COL5A2: variants seen among roughly 807,000 people sequenced by gnomAD.
COL5A2 encodes the protein collagen alpha-2(V) chain.
A neutral mutation model predicts 208.2 loss-of-function variants in COL5A2; 23 were observed. The observed-to-expected ratio is 0.11, with a 90% confidence interval of 0.08 to 0.16. The LOEUF (loss-of-function observed/expected upper bound fraction) is 0.16, where lower values mean the gene tolerates loss of function less well. COL5A2 is among the 10% of genes least tolerant of loss of function. The pLI is 1.00. For synonymous variants in COL5A2, 625 were observed against 628.5 expected (o/e 0.99, Z 0.08); for missense variants, 1,590 against 1,956.4 (o/e 0.81, Z 3.53).
At chr2:189,391,464 T>C in the COL5A2 span, among the ~76,000 whole-genome samples, 2 of 152,132 alleles carry the variant, frequency 1.3e-5, no homozygotes, top group South Asian at 4.1e-4. Context: ...ATCACAAAAG[T>C]GCAGAACTAG....
the COL5A2 span, among the ~76,000 whole-genome samples, chr2:189,348,417 A>T: frequency 6.6e-6 from 1 of 152,178 alleles, no homozygotes. Context: ...AAAGAGACAG[A>T]TGTTTCAGCT....
At chr2:189,138,936 A>G (rs1350640183) in intron 1 of COL5A2, among the ~76,000 whole-genome samples, 1 of 152,234 alleles carries the variant, frequency 6.6e-6, no homozygotes, top group Admixed American at 6.5e-5. Flanking sequence ...CCTATGCAGA[A>G]TTGCAAATGA....
In COL5A2 at chr2:189,035,153, G is replaced by C. The variant is rs755092575; in HGVS notation, c.4116C>G (p.Phe1372Leu). 1 of 1,613,738 alleles carries C rather than the reference G, an allele frequency of 6.2e-7. No individual in the cohort carries two copies. The highest frequency in any genetic ancestry group is 1.3e-5 in the African/African-American group (1 of 75,002). The change falls in exon 53 of 54, where the codon TTC becomes TTG. Residue 1372 changes from phenylalanine (F) to leucine (L), a missense_variant and splice_region_variant. Physicochemically the swap from Phe to Leu is conservative, Grantham distance 22. Coordinates refer to ENST00000374866, the MANE Select transcript of COL5A2 (RefSeq NM_000393.5). Reference sequence around the variant, plus strand: ...TAGGTGATTGGTGGTCTCCATAAGCGAACTAGAAAAACAAAGAGTCTTTGT... The same window carrying C: ...TAGGTGATTGGTGGTCTCCATAAGCCAACTAGAAAAACAAAGAGTCTTTGT... ...YGLDMNRGSQ[F>L]AYGDHQSPNT...
At chr2:189,239,472 A>G in the COL5A2 span, among the ~76,000 whole-genome samples, 20 of 152,052 alleles carry the variant, frequency 1.3e-4, no homozygotes, top group East Asian at 2.5e-3. Context: ...TAACAAAAAC[A>G]AGGGTCAGAG....
At chr2:189,358,956 C>T in the COL5A2 span, among the ~76,000 whole-genome samples, 1 of 151,746 alleles carries the variant, frequency 6.6e-6, no homozygotes, top group East Asian at 1.9e-4. Flanking sequence ...TCTATCAATT[C>T]TAACAGTGTT....
chr2:189,311,568 C>T, the COL5A2 span: 35 of 1,239,026 alleles, frequency 2.8e-5, no homozygotes, highest in Non-Finnish European at 4.0e-5. Flanking sequence ...GCGTAGTGGG[C>T]CTCCACCTCC....
chr2:189,049,807 A>T (rs1438927143), intron 43 of COL5A2, among the ~76,000 whole-genome samples: 1 of 152,166 alleles, frequency 6.6e-6, no homozygotes, highest in East Asian at 1.9e-4. Flanking sequence ...TTATTTCTAT[A>T]TTCTGATACT....
At chr2:189,398,571 A>T in the COL5A2 span, among the ~76,000 whole-genome samples, 8 of 152,032 alleles carry the variant, frequency 5.3e-5, no homozygotes, top group African/African-American at 1.9e-4. Flanking sequence ...TTCTGATGTT[A>T]ATTTCATTAT....
the COL5A2 span, among the ~76,000 whole-genome samples, chr2:189,422,312 G>A: frequency 6.6e-6 from 1 of 151,962 alleles, no homozygotes; most frequent in African/African-American, 2.4e-5. Context: ...TAAGTGACCA[G>A]AATGAAAAAT....
At chr2:189,384,134 T>C in the COL5A2 span, among the ~76,000 whole-genome samples, 2 of 152,144 alleles carry the variant, frequency 1.3e-5, no homozygotes, top group Non-Finnish European at 2.9e-5. Context: ...ATATCTACCA[T>C]GTTTTCTTTA....
At chr2:189,373,291 C>T in the COL5A2 span, among the ~76,000 whole-genome samples, 1 of 152,118 alleles carries the variant, frequency 6.6e-6, no homozygotes, top group Non-Finnish European at 1.5e-5. Flanking sequence ...TATAACTATA[C>T]AAGATTCCTT....
chr2:189,372,395 A>C, the COL5A2 span, among the ~76,000 whole-genome samples: 2 of 152,152 alleles, frequency 1.3e-5, no homozygotes, highest in Non-Finnish European at 2.9e-5. Context: ...TTAGTTCCAT[A>C]ATTAAGTAAA....
chr2:189,173,972 A>G (rs967900570), intron 1 of COL5A2, among the ~76,000 whole-genome samples: 1 of 152,228 alleles, frequency 6.6e-6, no homozygotes, highest in Admixed American at 6.5e-5. Flanking sequence ...AGAAAATCCG[A>G]TTAAAGATCA....
intron 21 of COL5A2, among the ~76,000 whole-genome samples, chr2:189,067,354 A>G (rs1686177010): frequency 6.6e-6 from 1 of 152,216 alleles, no homozygotes; most frequent in Non-Finnish European, 1.5e-5. Flanking sequence ...ATGTGACACT[A>G]GCAACACTAA....
chr2:189,292,869 G>C, the COL5A2 span, among the ~76,000 whole-genome samples: 1 of 152,150 alleles, frequency 6.6e-6, no homozygotes, highest in Admixed American at 6.5e-5. Flanking sequence ...GTCCAGCAAT[G>C]ATAGACTGGA....
In COL5A2 at chr2:189,179,415, A is replaced by G. The variant is rs377247906; in HGVS notation, c.97+93T>C. ...CCCCCTTCTCAAACTTCAAACCAGA[A>G]CCTCCTCTTCACGCTCTTCCTGAGG... On this transcript the variant is annotated intron_variant, in intron 1 of 53. Transcript: ENST00000374866. 8.4e-5 allele frequency: 120 copies of G among 1,423,886 alleles called. No homozygotes were observed. In the African/African-American group the frequency reaches 1.6e-3, roughly 18 times the overall value. 88.2% of individuals were successfully genotyped at this position (1,423,886 alleles called of 1,614,324 possible). A position where few individuals can be genotyped will look rare whatever the true frequency, so the allele number is the denominator to read the frequency against.
At chr2:189,185,559 A>C (rs983994403) in intron 1 of COL5A2, among the ~76,000 whole-genome samples, 2 of 152,102 alleles carry the variant, frequency 1.3e-5, no homozygotes, top group Non-Finnish European at 2.9e-5. Flanking sequence ...TGAGGAAGAC[A>C]CTCTGCTGAT....
At chr2:189,351,061 T>C in the COL5A2 span, among the ~76,000 whole-genome samples, 1 of 152,198 alleles carries the variant, frequency 6.6e-6, no homozygotes, top group Admixed American at 6.5e-5. Flanking sequence ...TCACTGCCTA[T>C]GACATTTTCT....
At chr2:189,059,145 A>G (rs1387258209) in intron 31 of COL5A2, among the ~76,000 whole-genome samples, 2 of 152,190 alleles carry the variant, frequency 1.3e-5, no homozygotes, top group African/African-American at 4.8e-5. Context: ...AGAACATGCA[A>G]AGTACTATTT....
Sources: gnomAD v4.1 joint callset for allele counts (sites outside exome capture counted in the v4.1 genomes callset) on GRCh38, gnomAD v4.1.1 for gene constraint, MANE v1.5 for transcripts, NCBI Gene and HGNC (gene_info 2026-07-23, HGNC 2026-07-21) for gene names.